ZNF185: variants seen among roughly 807,000 people sequenced by gnomAD.
ZNF185 encodes zinc finger protein 185 with LIM domain.
A neutral mutation model predicts 58.6 loss-of-function variants in ZNF185; 56 were observed. The observed-to-expected ratio is 0.95, with a 90% CI of 0.77 to 1.19. The LOEUF is 1.19. ZNF185 is among the 50% of genes most tolerant of loss of function. The pLI, the probability that ZNF185 is intolerant of heterozygous loss-of-function variation, is 0.00. For missense variants in ZNF185, 627 were observed against 573.5 expected, an observed-to-expected ratio of 1.09 and a Z score of -0.95; for synonymous variants, 230 against 215.9, an observed-to-expected ratio of 1.07 and a Z score of -0.57.
At chrX:152,909,994 G>A (rs929569742), upstream of ZNF185, among the ~76,000 whole-genome samples, 1 of 100,386 alleles carries the variant, frequency 1.0e-5, no homozygotes, top group Non-Finnish European at 2.0e-5. Context: ...TGCAACCTCC[G>A]CCTCCCAGGT....
At chrX:152,906,549 C>G in the ZNF185 span, among the ~76,000 whole-genome samples, 2 of 113,159 alleles carry the variant, frequency 1.8e-5, no homozygotes, top group Admixed American at 1.9e-4. Context: ...CTGTACTTGA[C>G]TGCAGGGGCA....
At chrX:152,920,621 G>GA (rs2125341097) in intron 8 of ZNF185, 86 bp from the exon 10 acceptor site, 1 of 1,142,327 alleles carries the variant, frequency 8.8e-7, no homozygotes, top group East Asian at 3.0e-5. Context: ...AATGGAGAGG[G>GA]CCCAGGACCC....
the ZNF185 span, among the ~76,000 whole-genome samples, chrX:152,906,018 C>G: frequency 1.8e-5 from 2 of 112,315 alleles, no homozygotes; most frequent in Non-Finnish European, 3.8e-5. Flanking sequence ...CTGGGGTCAC[C>G]CTTGCACATG....
the ZNF185 span, among the ~76,000 whole-genome samples, chrX:152,905,194 G>T: frequency 1.8e-5 from 2 of 112,914 alleles, no homozygotes; most frequent in African/African-American, 6.4e-5. Flanking sequence ...CTGCGCCGGG[G>T]CCTCCTGAAC....
At chrX:152,956,184 A>G (rs191720576) in intron 16 of ZNF185, among the ~76,000 whole-genome samples, 1 of 111,902 alleles carries the variant, frequency 8.9e-6, no homozygotes, top group African/African-American at 3.2e-5. Flanking sequence ...GACTACTATG[A>G]CTACCAGTAG....
chrX:152,964,039 C>T, intron 18 of ZNF185, 90 bp downstream of exon 20: 1 of 876,310 alleles, frequency 1.1e-6, no homozygotes, highest in Non-Finnish European at 1.7e-6. Flanking sequence ...CATGTTGCTT[C>T]CCATTTAGTG....
chrX:152,937,599 C>T lies in ZNF185; in HGVS notation c.1122-475C>T, dbSNP rs782288270. ...CTGAGCCAAGCCCCAAGAGACATGT[C>T]CCCCATACACAGCGTCAACAGGGCA... is the stretch of plus-strand genomic sequence containing the variant. On this transcript the variant is annotated intron_variant, in intron 14 of 22. Transcript: ENST00000449285. Among the ~76,000 whole-genome samples, 4 of 112,014 alleles carry T rather than the reference C, an allele frequency of 3.6e-5. 1 individual carries two copies. The highest frequency in any genetic ancestry group is 1.3e-4 in the African/African-American group (4 of 30,794).
At position 152,931,654 on chromosome X, in the gene ZNF185, C is replaced by T. The variant is rs370231020; in HGVS notation, c.918-18C>T. On this transcript the variant is annotated intron_variant, in intron 12 of 22. Transcript: ENST00000449285. ...GAATGGCTGCTGCATGGTTAACTTC[C>T]ATTTCTTTCCTCCATAGGTCTTCCC... 3.6e-4 allele frequency: 426 copies of T among 1,187,987 alleles called. 1 individual carries two copies. The highest frequency in any genetic ancestry group is 4.6e-4 in the Non-Finnish European group (406 of 879,740).
the ZNF185 span, among the ~76,000 whole-genome samples, chrX:152,901,043 G>A: frequency 8.9e-6 from 1 of 112,048 alleles, no homozygotes; most frequent in Non-Finnish European, 1.9e-5. Flanking sequence ...GTGGCAAGGA[G>A]TGAAGTGGGA....
exon 10 of ZNF185, chrX:152,922,211 G>A (rs782343942): frequency 8.4e-7 from 1 of 1,193,106 alleles, no homozygotes; most frequent in Admixed American, 2.3e-5. Flanking sequence ...TCTGAGAAGA[G>A]CCAGGACCCA....
chrX:152,906,784 C>T, the ZNF185 span, among the ~76,000 whole-genome samples: 1 of 110,363 alleles, frequency 9.1e-6, no homozygotes, highest in Admixed American at 9.7e-5. Context: ...TGCACCTCTG[C>T]CTGTGGCACA....
At chrX:152,905,248 C>G in the ZNF185 span, among the ~76,000 whole-genome samples, 1 of 112,965 alleles carries the variant, frequency 8.9e-6, no homozygotes, top group Non-Finnish European at 1.9e-5. Context: ...TTCTGCTGCC[C>G]CATCTGGCTC....
At chrX:152,949,314 A>G (rs986293501) in intron 16 of ZNF185, among the ~76,000 whole-genome samples, 7 of 112,797 alleles carry the variant, frequency 6.2e-5, no homozygotes, top group Non-Finnish European at 1.3e-4. Context: ...TTGCCCTGGC[A>G]CACTGCTGTT....
In ZNF185 at chrX:152,945,385, G is replaced by A. The variant is rs1556893986; in HGVS notation, c.1330G>A (p.Ala444Thr). 4.1e-6 allele frequency: 5 copies of A among 1,207,282 alleles called. No homozygotes were observed. In the South Asian group the frequency reaches 7.1e-5, roughly 17 times the overall value. The change falls in exon 16 of 23, where the codon GCA becomes ACA. Residue 444 changes from alanine to threonine, a missense_variant. By Grantham distance (58) the Ala-to-Thr change is moderately conservative. Coordinates refer to ENST00000449285, the Ensembl canonical transcript of ZNF185. Reference sequence around the variant, plus strand: ...CCCAGCTGTACCCGCTCAGCAACCTGCAGATCCCAGCACCCCAGAGCGGCA... The same window carrying A: ...CCCAGCTGTACCCGCTCAGCAACCTACAGATCCCAGCACCCCAGAGCGGCA...
the ZNF185 span, among the ~76,000 whole-genome samples, chrX:152,901,127 T>C: frequency 1.8e-5 from 2 of 112,501 alleles, no homozygotes; most frequent in Admixed American, 1.9e-4. Context: ...TTACTGCTGA[T>C]GATGCAAACA....
exon 20 of ZNF185, chrX:152,967,236 G>T: frequency 8.3e-7 from 1 of 1,209,776 alleles, no homozygotes; most frequent in Non-Finnish European, 1.1e-6. Context: ...CATACTCTGA[G>T]AGGTATGTTG....
In ZNF185 at chrX:152,967,126, T is replaced by C. The variant is rs782731659; in HGVS notation, c.1800-41T>C. Reference sequence around the variant, plus strand: ...AAATTAACTATGATAGTGATTTGGCTCTCATCTCTGCCCTCCTCTCCCCTA... The same window carrying C: ...AAATTAACTATGATAGTGATTTGGCCCTCATCTCTGCCCTCCTCTCCCCTA... On this transcript the variant is annotated intron_variant, in intron 19 of 22. Transcript: ENST00000449285. 4.3e-6 allele frequency: 5 copies of C among 1,157,059 alleles called. No individual in the cohort carries two copies. The South Asian group carries it at 9.1e-5, about 21-fold the overall frequency.
intron 12 of ZNF185, among the ~76,000 whole-genome samples, chrX:152,929,324 G>T (rs1556875363): frequency 9.0e-6 from 1 of 111,593 alleles, no homozygotes; most frequent in East Asian, 2.8e-4. Context: ...AGGATTCGGG[G>T]GCTGGGGTGG....
rs782211709 is a variant in ZNF185, at chrX:152,922,818, C to G, written c.830+9C>G. ...GGGAGCCAGGAGCTCAGGTGGGTGC[C>G]GAGAGCTGACTCTGGCTTGTGAGTG... On this transcript the variant is annotated intron_variant, in intron 11 of 22. Coordinates refer to ENST00000449285, the Ensembl canonical transcript of ZNF185. 109 of 1,179,947 alleles carry G rather than the reference C, an allele frequency of 9.2e-5. No homozygotes were observed. Among genetic ancestry groups the G allele is most frequent in the Non-Finnish European group, 1.2e-4 (102 of 878,502 alleles).
Sources: allele counts gnomAD v4.1 joint callset (sites outside exome capture counted in the v4.1 genomes callset), GRCh38; gene constraint gnomAD v4.1.1; transcripts MANE v1.5; gene names NCBI Gene and HGNC (gene_info 2026-07-23, HGNC 2026-07-21).